The following DOCK3 variants were observed in gnomAD, a reference collection of about 807,000 sequenced individuals.
DOCK3 encodes dedicator of cytokinesis protein 3.
In DOCK3, 60 loss-of-function variants were observed where a neutral mutation model predicts 265.6. That is an observed-to-expected ratio of 0.23 (90% CI 0.18 to 0.28). The LOEUF (loss-of-function observed/expected upper bound fraction) is 0.28. Among genes scored for constraint, DOCK3 ranks in the 10% least tolerant of loss-of-function variants. The pLI is 1.00. For missense variants in DOCK3, 1,981 were observed against 2,594.3 expected, an observed-to-expected ratio of 0.76 and a Z score of 5.14; for synonymous variants, 881 against 938.0, an observed-to-expected ratio of 0.94 and a Z score of 1.11.
intron 5 of DOCK3, among the ~76,000 whole-genome samples, chr3:51,007,173 G>A (rs984932801): frequency 8.5e-5 from 13 of 152,142 alleles, no homozygotes; most frequent in Non-Finnish European, 1.3e-4. Context: ...GGTATTTCTA[G>A]TTCTAGATCC....
chr3:50,864,386 C>T (rs2125368), intron 3 of DOCK3, among the ~76,000 whole-genome samples: 11,914 of 151,940 alleles, frequency 0.078, 1,073 homozygotes, highest in East Asian at 0.33. Flanking sequence ...TATTTCCTTT[C>T]GTTCTGTAGG....
At chr3:50,719,816 G>T (rs1000220244) in intron 1 of DOCK3, 5 of 776,262 alleles carry the variant, frequency 6.4e-6, no homozygotes, top group Admixed American at 1.8e-5. Context: ...GAATAATTCT[G>T]TGAAAGCAGG....
At chr3:51,001,340 A>C (rs1157152276) in intron 5 of DOCK3, among the ~76,000 whole-genome samples, 1 of 152,166 alleles carries the variant, frequency 6.6e-6, no homozygotes, top group Non-Finnish European at 1.5e-5. Context: ...TTTTTCCTGC[A>C]TTCCAACTCA....
At chr3:51,202,889 G>T (rs1329840319) in intron 12 of DOCK3, among the ~76,000 whole-genome samples, 1 of 151,818 alleles carries the variant, frequency 6.6e-6, no homozygotes, top group African/African-American at 2.4e-5. Flanking sequence ...ATGTAATCCA[G>T]CATATAAACA....
chr3:51,372,697 G>A (rs2087783995), intron 49 of DOCK3, among the ~76,000 whole-genome samples: 1 of 152,184 alleles, frequency 6.6e-6, no homozygotes, highest in Non-Finnish European at 1.5e-5. Context: ...TTACTGAGTT[G>A]GTCTAAAGGT....
At chr3:51,289,567 G>A (rs1026416200) in intron 27 of DOCK3, among the ~76,000 whole-genome samples, 4 of 151,544 alleles carry the variant, frequency 2.6e-5, no homozygotes, top group Admixed American at 6.6e-5. Flanking sequence ...CTTGCCTATC[G>A]GTAATTACTT....
chr3:50,680,385 T>G (rs1049355292), intron 1 of DOCK3, among the ~76,000 whole-genome samples: 2 of 151,826 alleles, frequency 1.3e-5, no homozygotes, highest in South Asian at 2.1e-4. Flanking sequence ...CTAATTCTTT[T>G]CTATTTTTAG....
At chr3:50,945,035 A>G (rs1306868763) in intron 5 of DOCK3, among the ~76,000 whole-genome samples, 1 of 152,216 alleles carries the variant, frequency 6.6e-6, no homozygotes, top group East Asian at 1.9e-4. Flanking sequence ...ATCAACTTAA[A>G]CATGGCATTT....
At chr3:50,730,267 A>T (rs1318059776) in intron 1 of DOCK3, among the ~76,000 whole-genome samples, 2 of 151,732 alleles carry the variant, frequency 1.3e-5, no homozygotes, top group Non-Finnish European at 2.9e-5. Flanking sequence ...TCAGCCTCCC[A>T]AGTGGTTGGG....
chr3:50,787,670 G>T (rs901345767), intron 2 of DOCK3: 18 of 1,311,554 alleles, frequency 1.4e-5, no homozygotes, highest in Non-Finnish European at 1.8e-5. Context: ...GTAGTTCTGG[G>T]AGTAGGGGAA....
At chr3:51,145,931 G>A (rs1198786625) in intron 9 of DOCK3, among the ~76,000 whole-genome samples, 1 of 152,108 alleles carries the variant, frequency 6.6e-6, no homozygotes, top group Admixed American at 6.5e-5. Flanking sequence ...CCACAATATT[G>A]TGAAGTTCAC....
At chr3:50,969,274 A>G (rs995869191) in intron 5 of DOCK3, among the ~76,000 whole-genome samples, 1 of 152,030 alleles carries the variant, frequency 6.6e-6, no homozygotes, top group African/African-American at 2.4e-5. Flanking sequence ...AGTCTTTTTT[A>G]TCTAATATAA....
chr3:50,675,463 G>GGTGCGC lies in DOCK3; in HGVS notation c.37+168_37+169insCGTGCG. Among the ~76,000 whole-genome samples the GGTGCGC allele has an allele frequency of 1.3e-5, 2 of 151,712 alleles. No homozygotes were observed. Among genetic ancestry groups the GGTGCGC allele is most frequent in the African/African-American group, 4.8e-5 (2 of 41,486 alleles). ...GGGGGCAGGTGCGGGTGCGGGTGCG[G>GGTGCGC]GTGCGGGGGTGGGCGCGGGTCTCTG... On this transcript the variant is annotated intron_variant, in intron 1 of 52. Coordinates refer to ENST00000266037, the MANE Select transcript of DOCK3 (RefSeq NM_004947.5). This position sits in a 1 kb window ranked among gnomAD's most constrained non-coding sequence, Gnocchi z 6.1.
At chr3:50,886,016 T>C (rs1449333339) in intron 3 of DOCK3, among the ~76,000 whole-genome samples, 1 of 151,986 alleles carries the variant, frequency 6.6e-6, no homozygotes, top group East Asian at 1.9e-4. Context: ...TTTCTTTCTG[T>C]CTGTTCCTGT....
intron 12 of DOCK3, among the ~76,000 whole-genome samples, chr3:51,174,574 C>T (rs1479085069): frequency 6.6e-6 from 1 of 152,128 alleles, no homozygotes; most frequent in Non-Finnish European, 1.5e-5. Flanking sequence ...TCTCATTAAG[C>T]TTCTTTAAGA....
At chr3:50,972,890 T>C (rs77677107) in intron 5 of DOCK3, among the ~76,000 whole-genome samples, 1 of 9,604 alleles carries the variant, frequency 1.0e-4, no homozygotes, top group Admixed American at 5.0e-4. Context: ...CTTTGGCTAT[T>C]TTTTTTTTTT....
chr3:51,233,963 A>G (rs1312658824), intron 19 of DOCK3, among the ~76,000 whole-genome samples: 3 of 152,194 alleles, frequency 2.0e-5, no homozygotes, highest in Admixed American at 6.5e-5. Context: ...AAGATGTCCA[A>G]GACATCTTCA....
intron 5 of DOCK3, among the ~76,000 whole-genome samples, chr3:51,019,484 T>G (rs987742962): frequency 1.2e-4 from 18 of 151,908 alleles, no homozygotes; most frequent in African/African-American, 4.4e-4. Flanking sequence ...AATTTTATTG[T>G]AAGTTCTGGG....
chr3:51,041,183 TA>T (rs2080486155), intron 5 of DOCK3, among the ~76,000 whole-genome samples: 3 of 14,034 alleles, frequency 2.1e-4, no homozygotes, highest in East Asian at 1.4e-3. Flanking sequence ...TATATATATA[TA>T]TATATATATA....
Sources: gnomAD v4.1 joint callset for allele counts (sites outside exome capture counted in the v4.1 genomes callset) on GRCh38, gnomAD v4.1.1 for gene constraint, Gnocchi (gnomAD v3.1) non-coding constraint, MANE v1.5 for transcripts, NCBI Gene and HGNC (gene_info 2026-07-23, HGNC 2026-07-21) for gene names.